The following ATAD2B variants were observed in gnomAD, a reference collection of about 807,000 sequenced individuals.
The protein encoded by ATAD2B is ATPase family AAA domain containing 2B, also known as ATPase family AAA domain-containing protein 2B.
A neutral mutation model predicts 167.6 loss-of-function variants in ATAD2B; 40 were observed. The observed-to-expected ratio is 0.24, with a 90% CI of 0.19 to 0.31. The LOEUF (loss-of-function observed/expected upper bound fraction) is 0.31, where lower values mean the gene tolerates loss of function less well. Among genes scored for constraint, ATAD2B ranks in the 10% least tolerant of loss-of-function variants. The probability of loss-of-function intolerance (pLI) is 1.00; values close to 1 mark genes in which losing one functional copy is unlikely to be tolerated. For synonymous variants in ATAD2B, 579 were observed against 596.5 expected, an observed-to-expected ratio of 0.97 and a Z score of 0.43; for missense variants, 1,242 against 1,757.2, an observed-to-expected ratio of 0.71 and a Z score of 5.24.
chr2:23,850,368 G>A (rs1295395446), intron 13 of ATAD2B, among the ~76,000 whole-genome samples: 1 of 152,076 alleles, frequency 6.6e-6, no homozygotes, highest in East Asian at 1.9e-4. Context: ...AAAACTGTGG[G>A]ATGTAGCTAA....
At chr2:23,835,243 A>T (rs1316145529) in intron 13 of ATAD2B, among the ~76,000 whole-genome samples, 2 of 152,256 alleles carry the variant, frequency 1.3e-5, no homozygotes, top group Admixed American at 6.5e-5. Flanking sequence ...TTTTCATAAT[A>T]GCCAAAAAAG....
At chr2:23,784,145 T>G (rs1455891645) in intron 21 of ATAD2B, among the ~76,000 whole-genome samples, 1 of 152,058 alleles carries the variant, frequency 6.6e-6, no homozygotes, top group African/African-American at 2.4e-5. Context: ...TTGACATAAA[T>G]GCCTGTGTAT....
At chr2:23,723,134 G>A in the ATAD2B span, among the ~76,000 whole-genome samples, 2 of 152,040 alleles carry the variant, frequency 1.3e-5, no homozygotes, top group East Asian at 3.9e-4. Flanking sequence ...TCTACAAAAA[G>A]TACAAAAAAT....
the ATAD2B span, among the ~76,000 whole-genome samples, chr2:23,740,587 C>A: frequency 1.3e-5 from 2 of 152,018 alleles, no homozygotes; most frequent in Non-Finnish European, 2.9e-5. Flanking sequence ...AAACCCACAG[C>A]CGATATCATA....
intron 14 of ATAD2B, among the ~76,000 whole-genome samples, chr2:23,831,130 T>G (rs933653876): frequency 1.3e-5 from 2 of 152,172 alleles, no homozygotes; most frequent in African/African-American, 4.8e-5. Context: ...GCAAACCGAA[T>G]AGTAAGTCAA....
chr2:23,843,020 A>C (rs375991627), intron 13 of ATAD2B, among the ~76,000 whole-genome samples: 6 of 152,214 alleles, frequency 3.9e-5, no homozygotes, highest in African/African-American at 1.2e-4. Context: ...AGAAAAGAAA[A>C]CCAAGTGGGT....
chr2:23,762,936 C>T (rs542005352), intron 23 of ATAD2B, among the ~76,000 whole-genome samples: 4 of 152,250 alleles, frequency 2.6e-5, no homozygotes, highest in South Asian at 4.2e-4. Context: ...CATTCCCCAG[C>T]GAAGTATCAT....
At chr2:23,712,976 A>T in the ATAD2B span, among the ~76,000 whole-genome samples, 2 of 152,192 alleles carry the variant, frequency 1.3e-5, no homozygotes, top group Non-Finnish European at 2.9e-5. Context: ...CCTGATGTGC[A>T]GCACCAGCCA....
At chr2:23,829,048 C>T in intron 14 of ATAD2B, 109 bp from the exon 15 acceptor site, 1 of 677,256 alleles carries the variant, frequency 1.5e-6, no homozygotes, top group East Asian at 2.8e-5. Context: ...GACTAACAAT[C>T]CCATTAAAAT....
chr2:23,924,612 C>T (rs1198229053), intron 1 of ATAD2B, among the ~76,000 whole-genome samples: 1 of 152,188 alleles, frequency 6.6e-6, no homozygotes, highest in Non-Finnish European at 1.5e-5. Context: ...TAGATGACTA[C>T]ATCATCTCCT....
intron 1 of ATAD2B, among the ~76,000 whole-genome samples, chr2:23,918,544 T>C (rs1703417549): frequency 6.6e-6 from 1 of 152,200 alleles, no homozygotes; most frequent in Non-Finnish European, 1.5e-5. Context: ...CCTCCTGAAA[T>C]CAGGCTGCAG....
intron 13 of ATAD2B, among the ~76,000 whole-genome samples, chr2:23,847,768 C>G (rs1322915575): frequency 6.6e-6 from 1 of 151,470 alleles, no homozygotes; most frequent in African/African-American, 2.4e-5. Flanking sequence ...GGGCGGATCA[C>G]AAGGTCAGGA....
At chr2:23,895,732 A>G in intron 2 of ATAD2B, 87 bp downstream of exon 2, 1 of 953,212 alleles carries the variant, frequency 1.0e-6, no homozygotes, top group Non-Finnish European at 1.5e-6. Flanking sequence ...TACTTATTTT[A>G]TAAGCTAAGA....
chr2:23,788,670 A>T (rs1681184471), intron 19 of ATAD2B, 23 bp from the exon 20 acceptor site: 1 of 1,528,826 alleles, frequency 6.5e-7, no homozygotes, highest in Non-Finnish European at 8.9e-7. Context: ...ACACACACAA[A>T]GACATTAAAT....
At chr2:23,855,442 C>G (rs1222800934) in intron 13 of ATAD2B, among the ~76,000 whole-genome samples, 1 of 152,074 alleles carries the variant, frequency 6.6e-6, no homozygotes, top group Non-Finnish European at 1.5e-5. Context: ...CAGTTAACAC[C>G]ACCAATTGTT....
chr2:23,781,526 G>A (rs533872880), intron 22 of ATAD2B, among the ~76,000 whole-genome samples: 65 of 151,910 alleles, frequency 4.3e-4, no homozygotes, highest in African/African-American at 1.4e-3. Flanking sequence ...TTAGCTGGAC[G>A]TGGTGGCAGG....
At chr2:23,903,936 T>TGG (rs1701139932) in intron 1 of ATAD2B, among the ~76,000 whole-genome samples, 1 of 151,462 alleles carries the variant, frequency 6.6e-6, no homozygotes, top group Non-Finnish European at 1.5e-5. Flanking sequence ...GTGCCGGTTG[T>TGG]TGTTGGTGGT....
chr2:23,793,641 G>A (rs985280751), intron 19 of ATAD2B, among the ~76,000 whole-genome samples: 1 of 152,204 alleles, frequency 6.6e-6, no homozygotes, highest in Non-Finnish European at 1.5e-5. Context: ...AGCGAGTGAG[G>A]CTGGGCAAGG....
At chr2:23,684,667 TCC>T in the ATAD2B span, 1 of 557,880 alleles carries the variant, frequency 1.8e-6, no homozygotes, top group Non-Finnish European at 3.0e-6. The surrounding 1 kb of genome is among the most constrained non-coding windows in gnomAD (Gnocchi z 4.4). Context: ...CCATCTCTCC[TCC>T]TCCTCCTCCT....
Sources: allele counts gnomAD v4.1 joint callset (sites outside exome capture counted in the v4.1 genomes callset), GRCh38; gene constraint gnomAD v4.1.1; non-coding constraint Gnocchi (gnomAD v3.1); transcripts MANE v1.5; gene names NCBI Gene and HGNC (gene_info 2026-07-23, HGNC 2026-07-21).